SIPA1L1: variants seen among roughly 807,000 people sequenced by gnomAD.
SIPA1L1 encodes the protein signal-induced proliferation-associated 1-like protein 1.
In SIPA1L1, 26 loss-of-function variants were observed where a neutral mutation model predicts 162.7. That is an observed-to-expected ratio of 0.16 (90% CI 0.12 to 0.22). SIPA1L1 has a LOEUF of 0.22. Ranked by LOEUF, SIPA1L1 falls within the 10% of genes least tolerant of loss-of-function variation. The probability of loss-of-function intolerance (pLI) is 1.00; values close to 1 mark genes in which losing one functional copy is unlikely to be tolerated. For missense variants in SIPA1L1, 1,874 were observed against 2,241.0 expected (o/e 0.84, Z 3.31); for synonymous variants, 829 against 837.4 (o/e 0.99, Z 0.17).
intron 2 of SIPA1L1, among the ~76,000 whole-genome samples, chr14:71,496,122 C>T (rs2049758901): frequency 6.7e-6 from 1 of 149,766 alleles, no homozygotes; most frequent in African/African-American, 2.4e-5. Flanking sequence ...GCTTTAGCTG[C>T]ATCCCATAAA....
At chr14:71,472,848 T>A (rs1423711803) in intron 2 of SIPA1L1, among the ~76,000 whole-genome samples, 11 of 120,444 alleles carry the variant, frequency 9.1e-5, no homozygotes, top group Non-Finnish European at 8.2e-5. Context: ...TATGAAAACT[T>A]AAAAAAAAAA....
intron 2 of SIPA1L1, among the ~76,000 whole-genome samples, chr14:71,409,305 G>A (rs779514168): frequency 3.3e-5 from 5 of 152,026 alleles, no homozygotes; most frequent in African/African-American, 7.3e-5. Flanking sequence ...TTTTTTTTCC[G>A]TGGTGTGGCT....
intron 2 of SIPA1L1, among the ~76,000 whole-genome samples, chr14:71,455,949 C>G (rs901856373): frequency 6.6e-6 from 1 of 152,082 alleles, no homozygotes; most frequent in African/African-American, 2.4e-5. Flanking sequence ...GACATCTTAA[C>G]TAGTTTGGAC....
At chr14:71,361,627 G>A (rs1310156770) in intron 2 of SIPA1L1, among the ~76,000 whole-genome samples, 1 of 152,146 alleles carries the variant, frequency 6.6e-6, no homozygotes, top group Non-Finnish European at 1.5e-5. Context: ...ACTACGTGGG[G>A]TGAACTGTAT....
intron 19 of SIPA1L1, among the ~76,000 whole-genome samples, chr14:71,725,382 C>A (rs932865982): frequency 1.3e-5 from 2 of 152,204 alleles, no homozygotes; most frequent in Non-Finnish European, 2.9e-5. Context: ...CTGCTTCAAT[C>A]CAGCAATCTA....
Position 71,709,602 on chromosome 14 carries a change from C to T in SIPA1L1, c.4146C>T (p.Gly1382=). 1 of 1,614,210 alleles carries T rather than the reference C, an allele frequency of 6.2e-7. No homozygotes were observed. The highest frequency in any genetic ancestry group is 8.5e-7 in the Non-Finnish European group (1 of 1,180,036). Residue 1382 remains glycine, a synonymous_variant, in exon 17 of 24, where the codon GGC becomes GGT. Coordinates refer to ENST00000381232, the MANE Select transcript of SIPA1L1 (RefSeq NM_001386936.1). Reference sequence around the variant, plus strand: ...ACATACACAGCAAGAGCCAAGCCGGCTCGACCCCTCTGACAAGGGAGAACA... The same window carrying T: ...ACATACACAGCAAGAGCCAAGCCGGTTCGACCCCTCTGACAAGGGAGAACA... The part of the protein sequence containing the change: ...SLDIHSKSQA[G]STPLTRENST...
intron 4 of SIPA1L1, among the ~76,000 whole-genome samples, chr14:71,565,452 A>C (rs1235099221): frequency 6.6e-6 from 1 of 152,228 alleles, no homozygotes; most frequent in East Asian, 1.9e-4. Flanking sequence ...ACCTTCCATG[A>C]ATTTTGTAAT....
intron 17 of SIPA1L1, among the ~76,000 whole-genome samples, chr14:71,717,429 A>G (rs1487591111): frequency 6.6e-6 from 1 of 152,226 alleles, no homozygotes; most frequent in Non-Finnish European, 1.5e-5. Flanking sequence ...CTTCTTATAC[A>G]TTGAGAAAAG....
chr14:71,385,080 C>A lies in SIPA1L1; in HGVS notation c.-465+63899C>A, dbSNP rs549368487. ...GACACATCTTTCAACAGTTGGAAAC[C>A]TTTTAAAATATTTTTAAGGCACAAC... is the stretch of plus-strand genomic sequence containing the variant. On this transcript the variant is annotated intron_variant, in intron 2 of 23. Coordinates refer to ENST00000381232, the MANE Select transcript of SIPA1L1 (RefSeq NM_001386936.1). 1.8e-4 allele frequency among the ~76,000 whole-genome samples: 28 copies of A among 152,230 alleles called. No homozygotes were observed. The South Asian group carries it at 5.6e-3, about 30-fold the overall frequency.
rs772757707 is a variant in SIPA1L1 at position 71,738,204 on chromosome 14, G to A, written c.5124-37G>A. 11 of 1,076,294 alleles carry A rather than the reference G, an allele frequency of 1.0e-5. No individual in the cohort carries two copies. In the African/African-American group the frequency reaches 1.5e-4, roughly 14 times the overall value. The allele number at this position is 1,076,294 out of a possible 1,614,324, so 66.7% of individuals were successfully genotyped here. On this transcript the variant is annotated intron_variant, in intron 22 of 23. Transcript: ENST00000381232. The stretch of plus-strand genomic sequence containing the variant: ...AAAAAAAACAAACCCAGCCATGGAG[G>A]CCCCTGCCAACATGGTCTTTTGTTT...
At chr14:71,570,938 G>A (rs557237067) in intron 4 of SIPA1L1, among the ~76,000 whole-genome samples, 38 of 152,212 alleles carry the variant, frequency 2.5e-4, no homozygotes, top group Admixed American at 8.5e-4. Context: ...TGGGATTACA[G>A]GTGCGCACCA....
In SIPA1L1 at chr14:71,587,755, A is replaced by G. The variant is rs2034791824; in HGVS notation, c.-118A>G. On this transcript the variant is annotated 5_prime_UTR_variant, in exon 5 of 24. Coordinates refer to ENST00000381232, the MANE Select transcript of SIPA1L1 (RefSeq NM_001386936.1). ...TTTAACCTTTTAAATGAAAAAGATT[A>G]AGATCTCATGCAACTGTTGTATTTT... 1.1e-6 allele frequency: 1 copy of G among 929,796 alleles called. No individual in the cohort carries two copies. The highest frequency in any genetic ancestry group is 1.6e-6 in the Non-Finnish European group (1 of 616,468). 57.6% of individuals were successfully genotyped at this position (929,796 alleles called of 1,614,324 possible).
intron 2 of SIPA1L1, among the ~76,000 whole-genome samples, chr14:71,504,565 C>CCATT (rs750928896): frequency 1.5e-4 from 23 of 152,012 alleles, no homozygotes; most frequent in Non-Finnish European, 2.6e-4. Context: ...GTAAGGCACA[C>CCATT]CATTATCTTA....
At chr14:71,634,335 G>A (rs1444961571) in intron 7 of SIPA1L1, among the ~76,000 whole-genome samples, 3 of 150,328 alleles carry the variant, frequency 2.0e-5, no homozygotes, top group African/African-American at 7.3e-5. Flanking sequence ...CCAGGAGACG[G>A]AGGTTGTAGT....
At chr14:71,704,112 AT>A (rs2082280896) in intron 15 of SIPA1L1, among the ~76,000 whole-genome samples, 1 of 152,212 alleles carries the variant, frequency 6.6e-6, no homozygotes, top group African/African-American at 2.4e-5. Flanking sequence ...CAAATAAAAT[AT>A]TAAAATAATT....
At chr14:71,478,329 T>G (rs2048049852) in intron 2 of SIPA1L1, among the ~76,000 whole-genome samples, 1 of 152,198 alleles carries the variant, frequency 6.6e-6, no homozygotes, top group African/African-American at 2.4e-5. Flanking sequence ...CCTTATTTTT[T>G]CATTTGCTTA....
chr14:71,324,748 T>C (rs1019175208), intron 2 of SIPA1L1, among the ~76,000 whole-genome samples: 7 of 152,236 alleles, frequency 4.6e-5, no homozygotes, highest in African/African-American at 1.2e-4. Flanking sequence ...TTCTTCTCTT[T>C]TTAAACTCAT....
intron 3 of SIPA1L1, among the ~76,000 whole-genome samples, chr14:71,516,134 T>A (rs2051706406): frequency 6.6e-6 from 1 of 152,210 alleles, no homozygotes; most frequent in Non-Finnish European, 1.5e-5. Flanking sequence ...AGCTTGGCAA[T>A]GGTGACACCA....
At chr14:71,538,266 C>G (rs530272711) in intron 4 of SIPA1L1, among the ~76,000 whole-genome samples, 1 of 152,178 alleles carries the variant, frequency 6.6e-6, no homozygotes, top group Admixed American at 6.5e-5. Flanking sequence ...TGATTTCTAA[C>G]TATTCTTACT....
Sources: allele counts gnomAD v4.1 joint callset (sites outside exome capture counted in the v4.1 genomes callset), GRCh38; gene constraint gnomAD v4.1.1; transcripts MANE v1.5; gene names NCBI Gene and HGNC (gene_info 2026-07-23, HGNC 2026-07-21).